Variants in GBE1 observed in about 807,000 individuals in gnomAD.
GBE1 encodes the protein 1,4-alpha-glucan branching enzyme 1.
GBE1 carries 70 observed loss-of-function variants against 88.8 expected under a neutral mutation model. That is an observed-to-expected ratio of 0.79 (90% CI 0.65 to 0.96). GBE1 has a LOEUF of 0.96. Among genes scored for constraint, GBE1 ranks in the 40% least tolerant of loss-of-function variants. The pLI, the probability that GBE1 is intolerant of heterozygous loss-of-function variation, is 0.00. For synonymous variants in GBE1, 284 were observed against 300.1 expected, an observed-to-expected ratio of 0.95 and a Z score of 0.56; for missense variants, 872 against 871.0, an observed-to-expected ratio of 1.00 and a Z score of -0.01.
chr3:81,705,554 T>A lies in GBE1; in HGVS notation c.203A>T (p.Lys68Met), dbSNP rs779371387. Reference protein sequence around the residue: ...NIGENEGGIDKFSRGYESFGV... With the variant: ...NIGENEGGIDMFSRGYESFGV... ...AAATGATTCATAGCCTCTGGAAAAC[T>A]TATCAATACCACCTTCATTTTCTCC... Residue 68 changes from lysine (K) to methionine (M), a missense_variant, in exon 2 of 16, where the codon AAG becomes ATG. Lys to Met is a moderately conservative substitution (Grantham distance 95, BLOSUM62 -1). Transcript: ENST00000429644. 3.1e-6 allele frequency: 5 copies of A among 1,591,112 alleles called. No individual in the cohort carries two copies. Among genetic ancestry groups the A allele is most frequent in the Non-Finnish European group, 4.3e-6 (5 of 1,167,612 alleles).
intron 7 of GBE1, among the ~76,000 whole-genome samples, chr3:81,627,418 A>G (rs1195615307): frequency 1.3e-5 from 2 of 152,200 alleles, no homozygotes; most frequent in Non-Finnish European, 2.9e-5. Context: ...AAAGGAGAAA[A>G]GCAAACTATG....
intron 2 of GBE1, among the ~76,000 whole-genome samples, chr3:81,701,983 CAAAAAAAA>C (rs767544382): frequency 1.3e-5 from 1 of 78,488 alleles, no homozygotes; most frequent in South Asian, 3.6e-4. Flanking sequence ...TCAGTAGGCA[CAAAAAAAA>C]AAAAGAAAAA....
chr3:81,619,554 A>G (rs1438030261), intron 7 of GBE1, among the ~76,000 whole-genome samples: 2 of 152,154 alleles, frequency 1.3e-5, no homozygotes, highest in African/African-American at 4.8e-5. Context: ...TAATCAAGAG[A>G]AAATAAAATG....
intron 2 of GBE1, among the ~76,000 whole-genome samples, chr3:81,673,549 A>C (rs552396167): frequency 1.6e-4 from 24 of 152,072 alleles, no homozygotes; most frequent in Non-Finnish European, 2.8e-4. Flanking sequence ...ATTTATTTGT[A>C]AGAGCTGTTT....
chr3:81,650,715 A>C (rs1041327265), intron 3 of GBE1, among the ~76,000 whole-genome samples: 1 of 152,168 alleles, frequency 6.6e-6, no homozygotes, highest in Non-Finnish European at 1.5e-5. Flanking sequence ...ACCCAGGTGG[A>C]GCACAGTGGT....
In GBE1 at chr3:81,532,508, T is replaced by C. The variant is rs1703023368; in HGVS notation, c.1934+2687A>G. The stretch of plus-strand genomic sequence containing the variant: ...TCTATTCTATTGACATTACTTTAGT[T>C]CATGCCCTAATTATCTTTTAGGTGT... On this transcript the variant is annotated intron_variant, in intron 14 of 15. Coordinates refer to ENST00000429644, the MANE Select transcript of GBE1 (RefSeq NM_000158.4). Among the ~76,000 whole-genome samples, 2 of 152,090 alleles carry C rather than the reference T, an allele frequency of 1.3e-5. 1 individual carries two copies. Among genetic ancestry groups the C allele is most frequent in the South Asian group, 4.1e-4 (2 of 4,826 alleles).
At position 81,741,781 on chromosome 3, in the gene GBE1, A is replaced by C. The variant is rs1337232263; in HGVS notation, c.143+19594T>G. Reference sequence around the variant, plus strand: ...CTCTATATAATATATAACACTCTACATAATATATAGAGTATTATACTCTAC... The same window carrying C: ...CTCTATATAATATATAACACTCTACCTAATATATAGAGTATTATACTCTAC... On this transcript the variant is annotated intron_variant, in intron 1 of 15. Coordinates refer to ENST00000429644, the MANE Select transcript of GBE1 (RefSeq NM_000158.4). 2.0e-5 allele frequency among the ~76,000 whole-genome samples: 3 copies of C among 148,732 alleles called. No individual in the cohort carries two copies. In the East Asian group the frequency reaches 5.8e-4, roughly 29 times the overall value.
rs2594565 is a variant in GBE1 at position 81,705,883 on chromosome 3, A to T, written c.144-270T>A. 0.016 allele frequency among the ~76,000 whole-genome samples: 2,411 copies of T among 152,200 alleles called. 56 individuals are homozygous for T. Among genetic ancestry groups the T allele is most frequent in the African/African-American group, 0.054 (2,248 of 41,520 alleles). On this transcript the variant is annotated intron_variant, in intron 1 of 15. Coordinates refer to ENST00000429644, the MANE Select transcript of GBE1 (RefSeq NM_000158.4). ...ATATGATGGTTATACTATTTCATGA[A>T]TTTTTTTAAAAACTAGCATTATAGC...
chr3:81,580,758 G>GA (rs1270880844), intron 11 of GBE1, among the ~76,000 whole-genome samples: 1 of 152,030 alleles, frequency 6.6e-6, no homozygotes, highest in Non-Finnish European at 1.5e-5. Flanking sequence ...TGACTGAGGG[G>GA]AAAAACTGAA....
rs397990331 is a variant in GBE1 at position 81,710,232 on chromosome 3, CTTTTT to C, written c.144-4624_144-4620del. Among the ~76,000 whole-genome samples, 7 of 93,232 alleles carry C rather than the reference CTTTTT, an allele frequency of 7.5e-5. No homozygotes were observed. The East Asian group carries it at 2.1e-3, about 27-fold the overall frequency. The allele number at this position is 93,232 out of a possible 152,430, so 61.2% of individuals were successfully genotyped here. On this transcript the variant is annotated intron_variant, in intron 1 of 15. Transcript: ENST00000429644. ...TTGTTTTACTCTTAAGGTAATTAATCTTTTTTTTTTTTTTTTTTTTGAGACGGACT... is the reference window on the plus strand; with the variant it reads ...TTGTTTTACTCTTAAGGTAATTAATCTTTTTTTTTTTTTTTGAGACGGACT...
chr3:81,563,442 A>C (rs1000373414), intron 12 of GBE1, among the ~76,000 whole-genome samples: 2 of 152,166 alleles, frequency 1.3e-5, no homozygotes, highest in Non-Finnish European at 2.9e-5. Flanking sequence ...CATGTCCAAC[A>C]ATAAAGTGAG....
At chr3:81,633,976 G>A (rs1704554799) in intron 7 of GBE1, among the ~76,000 whole-genome samples, 3 of 152,078 alleles carry the variant, frequency 2.0e-5, no homozygotes. Flanking sequence ...TAAAATGTGG[G>A]CTCCTGACTT....
Position 81,600,901 on chromosome 3 carries a change from G to GGTGTGTGTGCACATGCATGCGT in GBE1, c.993-6900_993-6879dup, listed in dbSNP as rs1156706471. Among the ~76,000 whole-genome samples, 34 of 151,994 alleles carry GGTGTGTGTGCACATGCATGCGT rather than the reference G, an allele frequency of 2.2e-4. No homozygotes were observed. The South Asian group carries it at 3.5e-3, about 16-fold the overall frequency. Reference sequence around the variant, plus strand: ...GCACCTAGTTCTTCAAAAAATGAATGGTGTGTGTGCACATGCATGCGTGTG... The same window carrying GGTGTGTGTGCACATGCATGCGT: ...GCACCTAGTTCTTCAAAAAATGAATGGTGTGTGTGCACATGCATGCGTGTGTGTGTGCACATGCATGCGTGTG... On this transcript the variant is annotated intron_variant, in intron 7 of 15. Coordinates refer to ENST00000429644, the MANE Select transcript of GBE1 (RefSeq NM_000158.4).
Position 81,761,444 on chromosome 3 carries a change from A to T in GBE1, c.74T>A (p.Val25Glu), listed in dbSNP as rs374678652. ...EAALNAALAD[V>E]PELARLLEID... ...CTCCAGGAGTCTGGCCAGTTCGGGC[A>T]CGTCAGCCAGGGCGGCATTGAGCGC... Residue 25 changes from valine to glutamate, a missense_variant, in exon 1 of 16, where the codon GTG becomes GAG. Val to Glu is a moderately radical substitution (Grantham distance 121, BLOSUM62 -2). Coordinates refer to ENST00000429644, the MANE Select transcript of GBE1 (RefSeq NM_000158.4). 1 of 1,613,540 alleles carries T rather than the reference A, an allele frequency of 6.2e-7. No individual in the cohort carries two copies. Among genetic ancestry groups the T allele is most frequent in the African/African-American group, 1.3e-5 (1 of 74,914 alleles).
At chr3:81,499,561 GATTAT>G (rs1377071980) in intron 14 of GBE1, among the ~76,000 whole-genome samples, 6 of 151,932 alleles carry the variant, frequency 3.9e-5, no homozygotes, top group Non-Finnish European at 1.5e-5. Flanking sequence ...TGCTCCTTGA[GATTAT>G]ATTATTTCTA....
chr3:81,722,688 A>T (rs1355826947), intron 1 of GBE1, among the ~76,000 whole-genome samples: 1 of 151,804 alleles, frequency 6.6e-6, no homozygotes, highest in African/African-American at 2.4e-5. Flanking sequence ...AAATCACTGT[A>T]ATAGTAGTCA....
chr3:81,676,342 T>C (rs577590325), intron 2 of GBE1, among the ~76,000 whole-genome samples: 1 of 152,252 alleles, frequency 6.6e-6, no homozygotes, highest in East Asian at 1.9e-4. Context: ...GTCTAGTTTC[T>C]CTTGATAGAA....
chr3:81,650,539 GATA>G (rs1704831769), intron 3 of GBE1, among the ~76,000 whole-genome samples: 1 of 151,960 alleles, frequency 6.6e-6, no homozygotes, highest in South Asian at 2.1e-4. Flanking sequence ...GACTATTTTT[GATA>G]ATAAAAAATA....
chr3:81,610,585 T>C (rs550424260), intron 7 of GBE1, among the ~76,000 whole-genome samples: 1 of 152,078 alleles, frequency 6.6e-6, no homozygotes, highest in Admixed American at 6.5e-5. Flanking sequence ...AGAGACAAGG[T>C]TTGAATATGG....
Sources: allele counts gnomAD v4.1 joint callset (sites outside exome capture counted in the v4.1 genomes callset), GRCh38; gene constraint gnomAD v4.1.1; transcripts MANE v1.5; gene names NCBI Gene and HGNC (gene_info 2026-07-23, HGNC 2026-07-21).